The following C3orf49 variants were observed in gnomAD, a reference collection of about 807,000 sequenced individuals.
C3orf49 encodes the protein chromosome 3 open reading frame 49.
A neutral mutation model predicts 13.3 loss-of-function variants in C3orf49; 27 were observed. The observed-to-expected ratio is 2.02, with a 90% CI of 1.49 to 2.79. C3orf49 has a LOEUF of 2.79. C3orf49 is among the 30% of genes most tolerant of loss of function. The probability of loss-of-function intolerance (pLI) is 0.00; values close to 1 mark genes in which losing one functional copy is unlikely to be tolerated. For synonymous variants in C3orf49, 87 were observed against 47.6 expected, an observed-to-expected ratio of 1.83 and a Z score of -3.40; for missense variants, 242 against 134.2, an observed-to-expected ratio of 1.80 and a Z score of -3.97.
At chr3:63,807,582 C>A in the C3orf49 span, among the ~76,000 whole-genome samples, 2 of 151,934 alleles carry the variant, frequency 1.3e-5, no homozygotes, top group South Asian at 2.1e-4. Context: ...GTTGGCTGGG[C>A]AAGTGGCTCA....
At chr3:63,802,059 AAC>A in the C3orf49 span, among the ~76,000 whole-genome samples, 1 of 152,220 alleles carries the variant, frequency 6.6e-6, no homozygotes, top group Non-Finnish European at 1.5e-5. Context: ...AGGCAGGGTG[AAC>A]ACAGAAAGGG....
the C3orf49 span, among the ~76,000 whole-genome samples, chr3:63,789,966 T>G: frequency 6.6e-6 from 1 of 152,118 alleles, no homozygotes; most frequent in Non-Finnish European, 1.5e-5. Context: ...TAGGAATGGT[T>G]TTTTACCTGT....
chr3:63,779,954 G>A, the C3orf49 span: 1 of 152,110 alleles, frequency 6.6e-6, no homozygotes, highest in Admixed American at 6.6e-5. Flanking sequence ...CCAGTGTGAT[G>A]TCAACTTTAT....
chr3:63,827,781 G>A, intron 3 of C3orf49, 56 bp downstream of exon 3: 1 of 682,254 alleles, frequency 1.5e-6, no homozygotes, highest in South Asian at 1.6e-5. Flanking sequence ...AATGTCTAGA[G>A]ATTTTGCAAA....
chr3:63,835,495 G>T, intron 5 of C3orf49: 1 of 986,078 alleles, frequency 1.0e-6, no homozygotes. Flanking sequence ...AATAAAAAAA[G>T]GGCTTATAAG....
At chr3:63,824,082 T>C (rs1356181165) in intron 2 of C3orf49, among the ~76,000 whole-genome samples, 1 of 152,152 alleles carries the variant, frequency 6.6e-6, no homozygotes, top group Non-Finnish European at 1.5e-5. Flanking sequence ...ATTACAGGTG[T>C]GAGCCTTGCT....
At chr3:63,781,839 A>G in the C3orf49 span, among the ~76,000 whole-genome samples, 1 of 152,166 alleles carries the variant, frequency 6.6e-6, no homozygotes, top group Non-Finnish European at 1.5e-5. Context: ...GCATTTTTTA[A>G]GTGTTGTTGC....
At chr3:63,818,647 T>C (rs1701350787), upstream of C3orf49, among the ~76,000 whole-genome samples, 1 of 152,172 alleles carries the variant, frequency 6.6e-6, no homozygotes. Context: ...CTAGAGGAGT[T>C]TTTCTTGTTA....
chr3:63,845,305 T>C (rs372455570), intron 6 of C3orf49, among the ~76,000 whole-genome samples: 1 of 152,206 alleles, frequency 6.6e-6, no homozygotes, highest in South Asian at 2.1e-4. Context: ...GACTTCTGGG[T>C]TCATAGTGGC....
rs116905352 is a variant in C3orf49, at chr3:63,828,672, A to G, written c.570+947A>G. Among the ~76,000 whole-genome samples the G allele has an allele frequency of 1.6e-3, 237 of 152,244 alleles. 1 individual carries two copies. The highest frequency in any genetic ancestry group is 0.015 in the East Asian group (80 of 5,184). ...AGAACCATGAACTATTATTATTATT[A>G]TTTTAGATACAAGACTTACCTTAAA... On this transcript the variant is annotated intron_variant, in intron 3 of 6. Transcript: ENST00000295896.
chr3:63,843,275 T>C (rs1366199556), intron 5 of C3orf49, among the ~76,000 whole-genome samples: 1 of 151,998 alleles, frequency 6.6e-6, no homozygotes, highest in Non-Finnish European at 1.5e-5. Flanking sequence ...TGTGCCACCA[T>C]GCCCAGCTAA....
chr3:63,807,897 GAAAT>G, the C3orf49 span, among the ~76,000 whole-genome samples: 50 of 131,534 alleles, frequency 3.8e-4, no homozygotes, highest in South Asian at 1.3e-3. Context: ...GAAAGAAAGA[GAAAT>G]AAATAAATAA....
At chr3:63,830,245 C>G (rs533152126) in intron 3 of C3orf49, among the ~76,000 whole-genome samples, 2 of 152,056 alleles carry the variant, frequency 1.3e-5, no homozygotes, top group Non-Finnish European at 2.9e-5. Context: ...TAGTGACTGC[C>G]AAGTATGCTA....
At chr3:63,789,810 CAAAAAAAAAAAA>C in the C3orf49 span, among the ~76,000 whole-genome samples, 3 of 49,640 alleles carry the variant, frequency 6.0e-5, no homozygotes, top group Non-Finnish European at 7.8e-5. Context: ...GACTCTGTCT[CAAAAAAAAAAAA>C]AAAAAAAAAA....
At chr3:63,792,824 T>C in the C3orf49 span, among the ~76,000 whole-genome samples, 1 of 152,232 alleles carries the variant, frequency 6.6e-6, no homozygotes, top group Admixed American at 6.5e-5. Context: ...GCAAAAGGTT[T>C]ACATCCCTAG....
At chr3:63,815,660 C>T (rs1701315623), upstream of C3orf49, among the ~76,000 whole-genome samples, 1 of 152,152 alleles carries the variant, frequency 6.6e-6, no homozygotes, top group African/African-American at 2.4e-5. Flanking sequence ...CTTCAAACAC[C>T]ACCTCCTTAA....
At chr3:63,810,125 G>A in the C3orf49 span, among the ~76,000 whole-genome samples, 1 of 151,494 alleles carries the variant, frequency 6.6e-6, no homozygotes, top group South Asian at 2.1e-4. Flanking sequence ...CAACCTGGGC[G>A]ACAGAGCAAG....
At chr3:63,834,489 G>A (rs146664792) in intron 5 of C3orf49, among the ~76,000 whole-genome samples, 120 of 151,768 alleles carry the variant, frequency 7.9e-4, no homozygotes, top group Middle Eastern at 3.4e-3. Context: ...GTAAAACCCC[G>A]TCTCTACTAA....
At chr3:63,835,365 A>G (rs1051050841) in intron 5 of C3orf49, 24 of 1,613,380 alleles carry the variant, frequency 1.5e-5, no homozygotes, top group Non-Finnish European at 1.9e-5. Context: ...AGATGCTCTA[A>G]TTCTTTTCCC....
Sources: gnomAD v4.1 joint callset for allele counts (sites outside exome capture counted in the v4.1 genomes callset) on GRCh38, gnomAD v4.1.1 for gene constraint, MANE v1.5 for transcripts, NCBI Gene and HGNC (gene_info 2026-07-23, HGNC 2026-07-21) for gene names.